Variants in NR3C2 observed in about 807,000 individuals in gnomAD.
NR3C2 encodes mineralocorticoid receptor.
In NR3C2, 15 loss-of-function variants were observed where a neutral mutation model predicts 86.4. That is an observed-to-expected ratio of 0.17 (90% confidence interval 0.12 to 0.27). NR3C2 has a LOEUF of 0.27. Among genes scored for constraint, NR3C2 ranks in the 10% least tolerant of loss-of-function variants. The pLI is 1.00. For synonymous variants in NR3C2, 458 were observed against 450.5 expected (o/e 1.02, Z -0.21); for missense variants, 960 against 1,195.6 (o/e 0.80, Z 2.91).
chr4:148,232,164 T>C (rs1298109626), intron 3 of NR3C2, among the ~76,000 whole-genome samples: 1 of 152,240 alleles, frequency 6.6e-6, no homozygotes, highest in South Asian at 2.1e-4. Flanking sequence ...TATCATATTA[T>C]AGAATGGTGA....
At chr4:148,178,932 T>TAAAAAAAAAAAAA (rs58576220) in intron 4 of NR3C2, among the ~76,000 whole-genome samples, 4 of 95,254 alleles carry the variant, frequency 4.2e-5, no homozygotes, top group East Asian at 3.0e-4. Context: ...AAGAAGCAGG[T>TAAAAAAAAAAAAA]AAAAAAAAAA....
At chr4:148,291,377 G>A (rs1365789352) in intron 2 of NR3C2, among the ~76,000 whole-genome samples, 2 of 152,120 alleles carry the variant, frequency 1.3e-5, no homozygotes, top group Middle Eastern at 3.4e-3. Context: ...TTCCAAAAAT[G>A]TCTCTGTACT....
At chr4:148,339,294 C>T (rs1744638627) in intron 2 of NR3C2, among the ~76,000 whole-genome samples, 1 of 152,312 alleles carries the variant, frequency 6.6e-6, no homozygotes, top group Non-Finnish European at 1.5e-5. Context: ...TCAGTATGCT[C>T]TGTCAGAATT....
At chr4:148,152,355 T>A in intron 6 of NR3C2, 114 bp downstream of exon 6, 1 of 1,193,922 alleles carries the variant, frequency 8.4e-7, no homozygotes, top group Non-Finnish European at 1.2e-6. Flanking sequence ...CGTTAAAAAA[T>A]GCCAGTTTCA....
In NR3C2 at chr4:148,436,509, A is replaced by T; in HGVS notation, c.352T>A (p.Ser118Thr). The change falls in exon 2 of 9, where the codon TCC becomes ACC. Residue 118 changes from serine (S) to threonine (T), a missense_variant. Ser to Thr is a moderately conservative substitution (Grantham distance 58). Around this residue, in one of 4 missense-constraint regions of NR3C2, gnomAD observed 680 missense variants for 719.0 expected, o/e 0.95. Transcript: ENST00000358102. ...CCTTGTTGGTTCTGCTGCTCATAGG[A>T]ATAGTCAGCATCTCTTACAGAATCC... ...YMDSVRDADY[S>T]YEQQNQQGSM... is the part of the protein sequence containing the mutation. 7 of 1,614,160 alleles carry T rather than the reference A, an allele frequency of 4.3e-6. No homozygotes were observed. The highest frequency in any genetic ancestry group is 1.1e-5 in the South Asian group (1 of 91,084).
chr4:148,236,071 T>C (rs1002531959), intron 3 of NR3C2, among the ~76,000 whole-genome samples: 1 of 152,178 alleles, frequency 6.6e-6, no homozygotes, highest in African/African-American at 2.4e-5. Context: ...CAGGGAGGGA[T>C]CCCACTACCC....
At chr4:148,339,198 A>T (rs1744634886) in intron 2 of NR3C2, among the ~76,000 whole-genome samples, 1 of 152,208 alleles carries the variant, frequency 6.6e-6, no homozygotes, top group Non-Finnish European at 1.5e-5. Context: ...TGGAAGGGAG[A>T]CACAGAGCTA....
At chr4:148,282,019 C>G (rs548701610) in intron 2 of NR3C2, among the ~76,000 whole-genome samples, 9 of 152,174 alleles carry the variant, frequency 5.9e-5, no homozygotes, top group Non-Finnish European at 8.8e-5. Context: ...TTATGAGTAT[C>G]TCTTACTTAT....
intron 4 of NR3C2, among the ~76,000 whole-genome samples, chr4:148,183,260 T>C (rs1236729664): frequency 6.6e-6 from 1 of 152,218 alleles, no homozygotes; most frequent in Non-Finnish European, 1.5e-5. Context: ...TTTGCTATTG[T>C]GAATAGTGCC....
At chr4:148,356,672 T>C (rs553336225) in intron 2 of NR3C2, among the ~76,000 whole-genome samples, 1 of 152,340 alleles carries the variant, frequency 6.6e-6, no homozygotes, top group South Asian at 2.1e-4. Flanking sequence ...ATATGGTACA[T>C]ATCCCAAGGG....
intron 2 of NR3C2, among the ~76,000 whole-genome samples, chr4:148,388,109 A>G (rs1189621426): frequency 5.9e-5 from 9 of 152,190 alleles, no homozygotes; most frequent in African/African-American, 2.2e-4. Context: ...GGAAATTCTA[A>G]TAAGTTGAAA....
At chr4:148,208,841 G>A in intron 3 of NR3C2, 1 of 152,194 alleles carries the variant, frequency 6.6e-6, no homozygotes, top group Non-Finnish European at 1.5e-5. Context: ...TATATAGAAG[G>A]AAAATAATAA....
At chr4:148,341,898 T>C (rs999474268) in intron 2 of NR3C2, among the ~76,000 whole-genome samples, 4 of 152,250 alleles carry the variant, frequency 2.6e-5, no homozygotes, top group Non-Finnish European at 5.9e-5. Flanking sequence ...CACTTATAAT[T>C]GAGGTATACC....
rs191517748 is a variant in NR3C2, at chr4:148,094,022, A to C, written c.2800-12523T>G. On this transcript the variant is annotated intron_variant, in intron 8 of 8. Transcript: ENST00000358102. Reference sequence around the variant, plus strand: ...ACCAAACTGAATAAAAAAATTGATAAAGGACTTGCCAAAGCCATTTCTCCA... The same window carrying C: ...ACCAAACTGAATAAAAAAATTGATACAGGACTTGCCAAAGCCATTTCTCCA... Among the ~76,000 whole-genome samples, 67 of 152,330 alleles carry C rather than the reference A, an allele frequency of 4.4e-4. No homozygotes were observed. In the East Asian group the frequency reaches 8.5e-3, roughly 19 times the overall value.
chr4:148,266,411 A>G (rs1420344070), intron 2 of NR3C2, among the ~76,000 whole-genome samples: 1 of 152,220 alleles, frequency 6.6e-6, no homozygotes, highest in East Asian at 1.9e-4. Flanking sequence ...ATGACAGAGT[A>G]GCCAGCCACG....
chr4:148,288,864 T>C (rs1367686215), intron 2 of NR3C2, among the ~76,000 whole-genome samples: 1 of 152,180 alleles, frequency 6.6e-6, no homozygotes, highest in Non-Finnish European at 1.5e-5. Flanking sequence ...ACTTCCAGGC[T>C]TCCAGTGCAA....
chr4:148,160,928 GAGA>G lies in NR3C2; in HGVS notation c.2015-6030_2015-6028del, dbSNP rs1027985035. Among the ~76,000 whole-genome samples, 86 of 152,088 alleles carry G rather than the reference GAGA, an allele frequency of 5.7e-4. 5 individuals carry two copies. Among genetic ancestry groups the G allele is most frequent in the Non-Finnish European group, 2.9e-5 (2 of 68,030 alleles). On this transcript the variant is annotated intron_variant, in intron 4 of 8. Transcript: ENST00000358102. ...ACTTCTCTTTGCCTTTTGACTGCCA[GAGA>G]AGGAGTACTCTCAAAGATAGGGGGC...
At chr4:148,237,550 T>C (rs1738803892) in intron 3 of NR3C2, among the ~76,000 whole-genome samples, 1 of 152,052 alleles carries the variant, frequency 6.6e-6, no homozygotes, top group Non-Finnish European at 1.5e-5. Context: ...TCCACTTTAG[T>C]AAAGAGATTA....
At chr4:148,309,063 A>G (rs1213598728) in intron 2 of NR3C2, among the ~76,000 whole-genome samples, 1 of 152,148 alleles carries the variant, frequency 6.6e-6, no homozygotes, top group Non-Finnish European at 1.5e-5. Context: ...AAAAAGTTTG[A>G]GATGATGGAT....
Sources: allele counts gnomAD v4.1 joint callset (sites outside exome capture counted in the v4.1 genomes callset), GRCh38; gene constraint gnomAD v4.1.1; regional missense constraint gnomAD v4.1.1; transcripts MANE v1.5; gene names NCBI Gene and HGNC (gene_info 2026-07-23, HGNC 2026-07-21).